Variants in MAST2 observed in about 807,000 individuals in gnomAD.
MAST2 encodes microtubule-associated serine/threonine-protein kinase 2.
In MAST2, 70 loss-of-function variants were observed where a neutral mutation model predicts 147.4. That is an observed-to-expected ratio of 0.47 (90% CI 0.39 to 0.58). MAST2 has a LOEUF of 0.58. MAST2 is among the 20% of genes least tolerant of loss of function. The probability of loss-of-function intolerance (pLI) is 0.00; values close to 1 mark genes in which losing one functional copy is unlikely to be tolerated. For missense variants in MAST2, 2,080 were observed against 2,302.3 expected (o/e 0.90, Z 1.98); for synonymous variants, 869 against 896.8 (o/e 0.97, Z 0.55).
At position 45,939,980 on chromosome 1, in the gene MAST2, GTTT is replaced by G. The variant is rs1174123217; in HGVS notation, c.501-19387_501-19385del. On this transcript the variant is annotated intron_variant, in intron 4 of 28. Transcript: ENST00000361297. The stretch of plus-strand genomic sequence containing the variant: ...AACGGAAGTTCTCTATTTATTTAGG[GTTT>G]TTTTTTTTTTTTTTTTTTGAGATGG... Among the ~76,000 whole-genome samples, 67 of 97,316 alleles carry G rather than the reference GTTT, an allele frequency of 6.9e-4. 1 individual carries two copies. The highest frequency in any genetic ancestry group is 6.5e-3 in the Middle Eastern group (1 of 154). The allele number at this position is 97,316 out of a possible 152,430, so 63.8% of individuals were successfully genotyped here. A position where few individuals can be genotyped will look rare whatever the true frequency, so the allele number is the denominator to read the frequency against.
chr1:45,844,222 C>A (rs563003944), intron 3 of MAST2, among the ~76,000 whole-genome samples: 1 of 152,192 alleles, frequency 6.6e-6, no homozygotes, highest in East Asian at 1.9e-4. Context: ...GCCTCAGCCT[C>A]CTGAGTAGTT....
chr1:45,891,798 T>G (rs1158226331), intron 4 of MAST2, among the ~76,000 whole-genome samples: 3 of 152,254 alleles, frequency 2.0e-5, no homozygotes, highest in Non-Finnish European at 4.4e-5. Context: ...AAAGCCTTCT[T>G]AAATTTACTT....
chr1:45,928,145 G>A (rs975944439), intron 4 of MAST2, among the ~76,000 whole-genome samples: 3 of 152,120 alleles, frequency 2.0e-5, no homozygotes, highest in Non-Finnish European at 2.9e-5. Context: ...CGTCTACATT[G>A]TCAGCTCATG....
At chr1:45,910,126 T>TC (rs199864018) in intron 4 of MAST2, among the ~76,000 whole-genome samples, 11 of 150,614 alleles carry the variant, frequency 7.3e-5, no homozygotes, top group South Asian at 4.2e-4. Context: ...TTTTTTTTTT[T>TC]CCCCAAATTT....
chr1:46,002,742 A>G, intron 6 of MAST2, 63 bp from the exon 7 acceptor site: 1 of 1,438,904 alleles, frequency 6.9e-7, no homozygotes, highest in African/African-American at 1.4e-5. Flanking sequence ...ATGAACAGAC[A>G]GGCAGGTTGT....
chr1:45,869,013 C>G (rs1010956448), intron 3 of MAST2, among the ~76,000 whole-genome samples: 1 of 152,150 alleles, frequency 6.6e-6, no homozygotes, highest in Non-Finnish European at 1.5e-5. Context: ...ATTTATCTCA[C>G]TCTTGTCCCT....
chr1:45,903,146 TTG>T (rs1210358982), intron 4 of MAST2, among the ~76,000 whole-genome samples: 1 of 143,844 alleles, frequency 7.0e-6, no homozygotes, highest in African/African-American at 2.5e-5. Context: ...TTTTTTTTTT[TTG>T]GAGACAGAGT....
At chr1:46,019,549 C>A in intron 10 of MAST2, 47 bp from the exon 11 acceptor site, 1 of 1,519,756 alleles carries the variant, frequency 6.6e-7, no homozygotes, top group Non-Finnish European at 9.1e-7. Flanking sequence ...CTGCTTAGCC[C>A]AGCCACACTG....
At chr1:45,934,017 C>T (rs906980921) in intron 4 of MAST2, among the ~76,000 whole-genome samples, 5 of 151,866 alleles carry the variant, frequency 3.3e-5, no homozygotes, top group Admixed American at 1.3e-4. Context: ...TTTTGTCACT[C>T]ATGTAATGAA....
intron 4 of MAST2, among the ~76,000 whole-genome samples, chr1:45,920,980 A>G (rs779068570): frequency 6.6e-5 from 10 of 152,224 alleles, no homozygotes; most frequent in Admixed American, 1.3e-4. Context: ...TCTTACTCCA[A>G]TGTCTGTGGT....
At chr1:46,010,648 TG>T in intron 9 of MAST2, 81 bp from the exon 10 acceptor site, 1 of 1,199,050 alleles carries the variant, frequency 8.3e-7, no homozygotes. Context: ...CCCATTATTT[TG>T]CTATTTCCAG....
chr1:45,980,221 G>C (rs1264484196), intron 5 of MAST2, among the ~76,000 whole-genome samples: 4 of 134,234 alleles, frequency 3.0e-5, no homozygotes, highest in African/African-American at 1.1e-4. Flanking sequence ...GGAGATGGAG[G>C]TTGAAATCGC....
chr1:45,822,433 C>G (rs1198137141), intron 1 of MAST2, among the ~76,000 whole-genome samples: 1 of 152,038 alleles, frequency 6.6e-6, no homozygotes. Context: ...TTCTCCTCTC[C>G]TCTGTTATCT....
At position 46,023,626 on chromosome 1, in the gene MAST2, G is replaced by T; in HGVS notation, c.1572-146G>T. 1.4e-6 allele frequency: 1 copy of T among 721,044 alleles called. No individual in the cohort carries two copies. The highest frequency in any genetic ancestry group is 2.6e-5 in the Admixed American group (1 of 38,598). 44.7% of individuals were successfully genotyped at this position (721,044 alleles called of 1,614,324 possible). On this transcript the variant is annotated intron_variant, in intron 14 of 28. Coordinates refer to ENST00000361297, the MANE Select transcript of MAST2 (RefSeq NM_015112.3). This position sits in a 1 kb window ranked among gnomAD's most constrained non-coding sequence, Gnocchi z 4.9. Reference sequence around the variant, plus strand: ...GTTTAAGAGTTCTATGGACCAGGGGGTCCCAGACCCTTCTCACTGATATGC... The same window carrying T: ...GTTTAAGAGTTCTATGGACCAGGGGTTCCCAGACCCTTCTCACTGATATGC...
intron 3 of MAST2, among the ~76,000 whole-genome samples, chr1:45,835,828 T>C (rs1204924058): frequency 6.6e-6 from 1 of 152,222 alleles, no homozygotes; most frequent in Non-Finnish European, 1.5e-5. Context: ...TTACCTATTC[T>C]AATATTTCAT....
intron 5 of MAST2, among the ~76,000 whole-genome samples, chr1:45,960,494 G>T (rs1482503544): frequency 6.6e-6 from 1 of 152,078 alleles, no homozygotes; most frequent in Non-Finnish European, 1.5e-5. Flanking sequence ...AACAGAATGA[G>T]ACCCCATCTC....
At chr1:45,871,091 A>T (rs1474265465) in intron 3 of MAST2, among the ~76,000 whole-genome samples, 4 of 151,904 alleles carry the variant, frequency 2.6e-5, no homozygotes. Context: ...AAAAAAAAAA[A>T]AAAAAAGTCC....
intron 7 of MAST2, 48 bp downstream of exon 7, chr1:46,002,931 C>T: frequency 6.5e-7 from 1 of 1,547,354 alleles, no homozygotes; most frequent in Non-Finnish European, 8.9e-7. Flanking sequence ...TAAGGAAGTA[C>T]TTCCCTTTGG....
intron 4 of MAST2, among the ~76,000 whole-genome samples, chr1:45,948,734 G>A (rs1406847991): frequency 4.0e-4 from 30 of 75,694 alleles, no homozygotes; most frequent in South Asian, 9.8e-4. Flanking sequence ...AAAAAAAAAA[G>A]TCATATGGAA....
Sources: allele counts gnomAD v4.1 joint callset (sites outside exome capture counted in the v4.1 genomes callset), GRCh38; gene constraint gnomAD v4.1.1; non-coding constraint Gnocchi (gnomAD v3.1); transcripts MANE v1.5; gene names NCBI Gene and HGNC (gene_info 2026-07-23, HGNC 2026-07-21).